The following HDAC9 variants were observed in gnomAD, a reference collection of about 807,000 sequenced individuals.
HDAC9 encodes the protein MEF-2 interacting transcription repressor (MITR) protein.
A neutral mutation model predicts 139.4 loss-of-function variants in HDAC9; 41 were observed. The ratio of observed to expected loss-of-function variants is 0.29; its 90% CI spans 0.23 to 0.38. The LOEUF (loss-of-function observed/expected upper bound fraction) is 0.38. Among genes scored for constraint, HDAC9 ranks in the 10% least tolerant of loss-of-function variants. The probability of loss-of-function intolerance (pLI) is 1.00; values close to 1 mark genes in which losing one functional copy is unlikely to be tolerated. For missense variants in HDAC9, 1,147 were observed against 1,297.0 expected, an observed-to-expected ratio of 0.88 and a Z score of 1.78; for synonymous variants, 517 against 476.2, an observed-to-expected ratio of 1.09 and a Z score of -1.12.
chr7:18,384,589 G>A (rs761806963), intron 1 of HDAC9, among the ~76,000 whole-genome samples: 5 of 151,782 alleles, frequency 3.3e-5, no homozygotes, highest in Admixed American at 1.3e-4. Context: ...ACATAATGGC[G>A]TTCTGCTTTT....
At chr7:18,810,371 G>A (rs942577700) in intron 17 of HDAC9, among the ~76,000 whole-genome samples, 2 of 151,784 alleles carry the variant, frequency 1.3e-5, no homozygotes, top group African/African-American at 4.8e-5. Flanking sequence ...CAGATTCTGG[G>A]AGTTAGTATG....
At chr7:18,527,962 A>G (rs538968849) in intron 2 of HDAC9, among the ~76,000 whole-genome samples, 50 of 152,160 alleles carry the variant, frequency 3.3e-4, no homozygotes, top group African/African-American at 1.0e-3. Context: ...TACTGTAGTT[A>G]TTTTTAAAAA....
chr7:18,238,853 A>G (rs1429388929), intron 2 of HDAC9, among the ~76,000 whole-genome samples: 1 of 152,196 alleles, frequency 6.6e-6, no homozygotes, highest in Non-Finnish European at 1.5e-5. Flanking sequence ...AATTGTCTGT[A>G]GCTTCCAGAT....
At chr7:18,220,222 T>A (rs1251120194) in intron 2 of HDAC9, among the ~76,000 whole-genome samples, 1 of 152,144 alleles carries the variant, frequency 6.6e-6, no homozygotes, top group Non-Finnish European at 1.5e-5. Flanking sequence ...AGAGTGTATG[T>A]GATGGGAGGG....
At chr7:18,107,557 C>T (rs1037052093) in intron 1 of HDAC9, among the ~76,000 whole-genome samples, 4 of 152,016 alleles carry the variant, frequency 2.6e-5, no homozygotes, top group Admixed American at 2.6e-4. Flanking sequence ...CAGACACCTC[C>T]TTTAAAAAGC....
intron 17 of HDAC9, among the ~76,000 whole-genome samples, chr7:18,806,628 T>A (rs114935409): frequency 6.6e-6 from 1 of 152,344 alleles, no homozygotes; most frequent in African/African-American, 2.4e-5. Context: ...TCTTAGATGG[T>A]CTTCATTATA....
At chr7:18,179,521 T>G (rs1789214615) in intron 2 of HDAC9, among the ~76,000 whole-genome samples, 2 of 151,078 alleles carry the variant, frequency 1.3e-5, no homozygotes, top group South Asian at 2.1e-4. Context: ...ATAAGCTTTG[T>G]TTTTTTTGCT....
chr7:18,327,204 A>G (rs935478853), intron 1 of HDAC9, among the ~76,000 whole-genome samples: 2 of 151,900 alleles, frequency 1.3e-5, no homozygotes, highest in Non-Finnish European at 2.9e-5. Context: ...GGCTTATAAG[A>G]TTAAAAATAG....
At position 18,975,967 on chromosome 7, in the gene HDAC9, G is replaced by T; in HGVS notation, c.3170+14G>T. 1.2e-6 allele frequency: 2 copies of T among 1,611,496 alleles called. No individual in the cohort carries two copies. The highest frequency in any genetic ancestry group is 1.7e-6 in the Non-Finnish European group (2 of 1,178,896). ...GGAAGACAGCAGGTATGAATCCAAC[G>T]TGCGGGAATAATCCGGGTCAGTCAT... On this transcript the variant is annotated intron_variant, in intron 25 of 25. Transcript: ENST00000686413.
At chr7:18,597,988 A>G (rs1222643019) in intron 6 of HDAC9, among the ~76,000 whole-genome samples, 2 of 152,300 alleles carry the variant, frequency 1.3e-5, no homozygotes, top group East Asian at 3.9e-4. Context: ...GTAAACTGGA[A>G]CGAAGGCAGA....
At chr7:18,162,134 C>A in intron 1 of HDAC9, 1 of 577,918 alleles carries the variant, frequency 1.7e-6, no homozygotes, top group Non-Finnish European at 3.1e-6. Context: ...CGCGCTGTGG[C>A]TGAGTCGACA....
chr7:18,295,439 T>C (rs1451451978), intron 1 of HDAC9, among the ~76,000 whole-genome samples: 1 of 152,148 alleles, frequency 6.6e-6, no homozygotes, highest in African/African-American at 2.4e-5. Context: ...TAAAATTGCA[T>C]TGCATTTTAA....
At position 18,856,025 on chromosome 7, in the gene HDAC9, G is replaced by T. The variant is rs79517509; in HGVS notation, c.2685-18453G>T. On this transcript the variant is annotated intron_variant, in intron 21 of 25. Transcript: ENST00000686413. ...ATTCAGCACAGACCACATTAGCGAG[G>T]CTGGTGTTTGCTTTGCACACAGACC... 1.2e-4 allele frequency among the ~76,000 whole-genome samples: 19 copies of T among 152,206 alleles called. No individual in the cohort carries two copies. The East Asian group carries it at 3.7e-3, about 29-fold the overall frequency.
Position 18,118,384 on chromosome 7 carries a change from A to G in HDAC9, c.-97+31171A>G, listed in dbSNP as rs75656758. Among the ~76,000 whole-genome samples the G allele has an allele frequency of 1.6e-3, 240 of 152,314 alleles. 2 individuals are homozygous for G. The East Asian group carries it at 0.021, about 14-fold the overall frequency. On this transcript the variant is annotated intron_variant, in intron 1 of 12. Coordinates refer to the HDAC9 transcript ENST00000417496. The stretch of plus-strand genomic sequence containing the variant: ...GAAGGCCATTGGAAAGGAATGTTAC[A>G]TCAACATGTTGTGTTTGTCTTGGCC...
intron 1 of HDAC9, among the ~76,000 whole-genome samples, chr7:18,129,734 C>G (rs529214687): frequency 1.1e-4 from 16 of 152,262 alleles, no homozygotes; most frequent in African/African-American, 3.8e-4. Context: ...TCCCCATTAA[C>G]TGTCCTCTGA....
chr7:18,747,394 T>C (rs1788069992), intron 13 of HDAC9, among the ~76,000 whole-genome samples: 1 of 152,190 alleles, frequency 6.6e-6, no homozygotes, highest in Non-Finnish European at 1.5e-5. Context: ...GAATGAATAA[T>C]TCAAGATCTG....
At chr7:18,437,505 T>A (rs938778682) in intron 1 of HDAC9, among the ~76,000 whole-genome samples, 5 of 151,382 alleles carry the variant, frequency 3.3e-5, no homozygotes, top group African/African-American at 1.2e-4. Context: ...GCAAATTTAA[T>A]ATGTTGTAAC....
intron 15 of HDAC9, among the ~76,000 whole-genome samples, chr7:18,764,175 A>T (rs769304634): frequency 7.9e-5 from 12 of 152,262 alleles, no homozygotes; most frequent in Non-Finnish European, 1.3e-4. Flanking sequence ...GGTTCTTTTC[A>T]TGTATGTATG....
In HDAC9 at chr7:18,299,728, G is replaced by A. The variant is rs193197865; in HGVS notation, c.-42+9213G>A. 3.1e-3 allele frequency among the ~76,000 whole-genome samples: 471 copies of A among 152,294 alleles called. 1 individual carries two copies. Among genetic ancestry groups the A allele is most frequent in the African/African-American group, 0.011 (448 of 41,584 alleles). On this transcript the variant is annotated intron_variant, in intron 1 of 3. Coordinates refer to the HDAC9 transcript ENST00000413509. ...GGCAGGAACAAATTCTAACTTGGTT[G>A]AAAAGTATGATTGGCGGAGGGGTAA...
Sources: gnomAD v4.1 joint callset for allele counts (sites outside exome capture counted in the v4.1 genomes callset) on GRCh38, gnomAD v4.1.1 for gene constraint, MANE v1.5 for transcripts, NCBI Gene and HGNC (gene_info 2026-07-23, HGNC 2026-07-21) for gene names.